The following PPARGC1A variants were observed in gnomAD, a reference collection of about 807,000 sequenced individuals.
The protein encoded by PPARGC1A is PPARG coactivator 1 alpha, also known as peroxisome proliferator-activated receptor gamma coactivator 1-alpha.
Under a neutral mutation model 88.7 loss-of-function variants are expected in PPARGC1A, and 25 were observed. The ratio of observed to expected loss-of-function variants is 0.28; its 90% confidence interval spans 0.21 to 0.39. The LOEUF (loss-of-function observed/expected upper bound fraction) is 0.39. Ranked by LOEUF, PPARGC1A falls within the 10% of genes least tolerant of loss-of-function variation. PPARGC1A has a pLI of 1.00. For synonymous variants in PPARGC1A, 363 were observed against 355.6 expected (o/e 1.02, Z -0.24); for missense variants, 880 against 968.7 (o/e 0.91, Z 1.22).
At chr4:24,469,367 T>C in the PPARGC1A span, among the ~76,000 whole-genome samples, 1 of 152,192 alleles carries the variant, frequency 6.6e-6, no homozygotes, top group Admixed American at 6.5e-5. Flanking sequence ...AAATGGAGAT[T>C]GTGGCAGTGT....
At chr4:24,425,218 C>T in the PPARGC1A span, among the ~76,000 whole-genome samples, 2 of 152,152 alleles carry the variant, frequency 1.3e-5, no homozygotes, top group Admixed American at 6.5e-5. Flanking sequence ...TAACAGATTA[C>T]AGAGGATACC....
the PPARGC1A span, among the ~76,000 whole-genome samples, chr4:24,030,277 GA>G: frequency 6.6e-6 from 1 of 152,156 alleles, no homozygotes; most frequent in Non-Finnish European, 1.5e-5. Context: ...ACAGATATCT[GA>G]ATGCATCTGA....
chr4:24,055,392 C>G, the PPARGC1A span, among the ~76,000 whole-genome samples: 1 of 152,100 alleles, frequency 6.6e-6, no homozygotes, highest in Non-Finnish European at 1.5e-5. Context: ...GTTCCGTGAG[C>G]CTTAGTTACG....
At chr4:24,008,216 T>G in the PPARGC1A span, among the ~76,000 whole-genome samples, 47 of 152,138 alleles carry the variant, frequency 3.1e-4, no homozygotes, top group African/African-American at 9.7e-4. Flanking sequence ...GTCAACCTAT[T>G]GTACCCCTGG....
At chr4:23,953,961 T>C in the PPARGC1A span, among the ~76,000 whole-genome samples, 3 of 152,000 alleles carry the variant, frequency 2.0e-5, no homozygotes, top group African/African-American at 7.2e-5. Flanking sequence ...CTAGAAAATA[T>C]TCAGTTAAAT....
the PPARGC1A span, among the ~76,000 whole-genome samples, chr4:24,326,607 A>C: frequency 6.6e-6 from 1 of 152,186 alleles, no homozygotes; most frequent in South Asian, 2.1e-4. Context: ...TACTTCAGTC[A>C]AGCCCAAATT....
At chr4:23,892,648 T>A (rs368349872), upstream of PPARGC1A, among the ~76,000 whole-genome samples, 281 of 152,106 alleles carry the variant, frequency 1.8e-3, 1 homozygote, top group African/African-American at 6.4e-3. Context: ...ATTCTCTCTC[T>A]GCTTTGACTA....
At chr4:24,380,899 G>A in the PPARGC1A span, among the ~76,000 whole-genome samples, 1 of 151,754 alleles carries the variant, frequency 6.6e-6, no homozygotes, top group African/African-American at 2.4e-5. Flanking sequence ...ATAAACAGCA[G>A]GCTGCATGGA....
the PPARGC1A span, among the ~76,000 whole-genome samples, chr4:24,032,091 A>T: frequency 1.3e-5 from 2 of 152,238 alleles, no homozygotes; most frequent in African/African-American, 4.8e-5. Context: ...TTTAGCAGCG[A>T]TATAGATGCT....
the PPARGC1A span, among the ~76,000 whole-genome samples, chr4:23,916,006 T>C: frequency 6.6e-6 from 1 of 152,188 alleles, no homozygotes; most frequent in Non-Finnish European, 1.5e-5. Context: ...CATTTATAGG[T>C]TTATAAGCTG....
chr4:24,191,190 G>C, the PPARGC1A span, among the ~76,000 whole-genome samples: 1 of 152,322 alleles, frequency 6.6e-6, no homozygotes, highest in East Asian at 1.9e-4. Context: ...TCTCGGAGCA[G>C]AAATTACAAC....
chr4:24,070,034 A>G, the PPARGC1A span, among the ~76,000 whole-genome samples: 1 of 152,174 alleles, frequency 6.6e-6, no homozygotes, highest in East Asian at 1.9e-4. Flanking sequence ...TGCCATCTGC[A>G]TCAGGGATTT....
chr4:24,050,194 C>CTTTTTTTTTTTTTTTTTTTTTTTTTT, the PPARGC1A span, among the ~76,000 whole-genome samples: 5 of 127,806 alleles, frequency 3.9e-5, 2 homozygotes. Flanking sequence ...CTTAGGTGAC[C>CTTTTTTTTTTTTTTTTTTTTTTTTTT]TTTTGTTTTT....
At chr4:24,181,360 T>C in the PPARGC1A span, among the ~76,000 whole-genome samples, 1 of 152,326 alleles carries the variant, frequency 6.6e-6, no homozygotes, top group African/African-American at 2.4e-5. Context: ...ATTAGTCATT[T>C]AGTTTTCCCA....
chr4:23,930,509 T>C, the PPARGC1A span, among the ~76,000 whole-genome samples: 6 of 152,160 alleles, frequency 3.9e-5, no homozygotes, highest in Non-Finnish European at 7.3e-5. Flanking sequence ...GACAAAGGTA[T>C]GAATTTTATC....
chr4:24,257,110 C>G, the PPARGC1A span, among the ~76,000 whole-genome samples: 4 of 152,062 alleles, frequency 2.6e-5, no homozygotes, highest in Admixed American at 2.6e-4. Flanking sequence ...AGAGATACAT[C>G]GAGGTTGGAT....
At chr4:24,383,371 TGA>T in the PPARGC1A span, among the ~76,000 whole-genome samples, 4 of 152,142 alleles carry the variant, frequency 2.6e-5, no homozygotes, top group Non-Finnish European at 5.9e-5. Flanking sequence ...GGACGGAGAA[TGA>T]GTTTGACCAA....
the PPARGC1A span, among the ~76,000 whole-genome samples, chr4:23,940,063 AG>A: frequency 2.0e-5 from 3 of 152,212 alleles, no homozygotes; most frequent in Non-Finnish European, 4.4e-5. Context: ...TAACTTCTCA[AG>A]GCTCCCCTAA....
chr4:24,233,784 G>C, the PPARGC1A span, among the ~76,000 whole-genome samples: 12 of 152,080 alleles, frequency 7.9e-5, no homozygotes, highest in African/African-American at 2.9e-4. Context: ...TAAGAAGCTA[G>C]GGCTAAAGAC....
Sources: gnomAD v4.1 joint callset for allele counts (sites outside exome capture counted in the v4.1 genomes callset) on GRCh38, gnomAD v4.1.1 for gene constraint, MANE v1.5 for transcripts, NCBI Gene and HGNC (gene_info 2026-07-23, HGNC 2026-07-21) for gene names.